Variants in PLSCR2 observed in about 807,000 individuals in gnomAD.
PLSCR2 encodes the protein PL scramblase 2.
A neutral mutation model predicts 25.3 loss-of-function variants in PLSCR2; 18 were observed. The ratio of observed to expected loss-of-function variants is 0.71; its 90% CI spans 0.49 to 1.06. PLSCR2 has a LOEUF of 1.06. Among genes scored for constraint, PLSCR2 ranks in the 50% least tolerant of loss-of-function variants. PLSCR2 has a pLI of 0.00. For synonymous variants in PLSCR2, 88 were observed against 87.3 expected, an observed-to-expected ratio of 1.01 and a Z score of -0.04; for missense variants, 243 against 269.5, an observed-to-expected ratio of 0.90 and a Z score of 0.69.
rs6440435 is a variant in PLSCR2, at chr3:146,414,670, A to C, written c.101-18749T>G. Among the ~76,000 whole-genome samples the C allele has an allele frequency of 5.1e-4, 77 of 151,884 alleles. 1 individual carries two copies. The South Asian group carries it at 0.016, about 32-fold the overall frequency. On this transcript the variant is annotated intron_variant and NMD_transcript_variant, in intron 2 of 3. Coordinates refer to the PLSCR2 transcript ENST00000463633. The stretch of plus-strand genomic sequence containing the variant: ...CCACATAAAAGAAATACTCATACTA[A>C]GTCGAGATAAAGGTAAACAGTTAAA...
intron 2 of PLSCR2, among the ~76,000 whole-genome samples, chr3:146,407,151 G>A (rs772741410): frequency 2.0e-5 from 3 of 151,994 alleles, no homozygotes; most frequent in South Asian, 4.2e-4. Flanking sequence ...TTTAGGGTGC[G>A]GTTTATGCGT....
At chr3:146,428,978 C>G (rs1000655768), downstream of PLSCR2, among the ~76,000 whole-genome samples, 1 of 152,218 alleles carries the variant, frequency 6.6e-6, no homozygotes, top group Non-Finnish European at 1.5e-5. Context: ...GTTTGTTCTA[C>G]TGCAGGAACC....
chr3:146,485,434 T>G (rs1329331549), intron 1 of PLSCR2, among the ~76,000 whole-genome samples: 2 of 152,046 alleles, frequency 1.3e-5, no homozygotes, highest in African/African-American at 4.8e-5. Flanking sequence ...TGAACTCAGC[T>G]CTGGATCAAG....
At chr3:146,414,773 T>A (rs2108054017) in intron 2 of PLSCR2, among the ~76,000 whole-genome samples, 1 of 152,338 alleles carries the variant, frequency 6.6e-6, no homozygotes, top group Middle Eastern at 3.4e-3. Flanking sequence ...TCTGCTTCTA[T>A]TAACAAAATT....
intron 2 of PLSCR2, among the ~76,000 whole-genome samples, chr3:146,426,218 C>T (rs961745695): frequency 4.2e-5 from 6 of 143,658 alleles, no homozygotes; most frequent in Non-Finnish European, 7.6e-5. Flanking sequence ...TCCCTCCCTC[C>T]TTCCCTCCCT....
downstream of PLSCR2, among the ~76,000 whole-genome samples, chr3:146,437,199 T>C (rs1446157084): frequency 6.6e-6 from 1 of 152,164 alleles, no homozygotes; most frequent in Non-Finnish European, 1.5e-5. Flanking sequence ...TGAGGATTTT[T>C]GCACTGATGT....
At chr3:146,488,382 T>C (rs564838522) in intron 1 of PLSCR2, among the ~76,000 whole-genome samples, 11 of 151,722 alleles carry the variant, frequency 7.3e-5, no homozygotes, top group Non-Finnish European at 1.5e-4. Flanking sequence ...AGCATCAGAG[T>C]GAACAGATAA....
intron 1 of PLSCR2, 35 bp from the exon 2 acceptor site, chr3:146,460,118 C>T: frequency 1.4e-6 from 2 of 1,439,942 alleles, no homozygotes; most frequent in South Asian, 1.4e-5. Flanking sequence ...TTTGTAGCTG[C>T]CCAGAAAAGT....
intron 6 of PLSCR2, among the ~76,000 whole-genome samples, chr3:146,447,467 C>T (rs1265398404): frequency 6.6e-6 from 1 of 152,152 alleles, no homozygotes; most frequent in East Asian, 1.9e-4. Context: ...TCCCTTCTGG[C>T]CAGCAGTGTC....
At chr3:146,450,176 T>C (rs2040814838) in intron 5 of PLSCR2, among the ~76,000 whole-genome samples, 1 of 151,324 alleles carries the variant, frequency 6.6e-6, no homozygotes, top group African/African-American at 2.5e-5. Context: ...CCAAACTACA[T>C]GTTAAGAGTT....
At chr3:146,450,137 A>C (rs916436826) in intron 5 of PLSCR2, among the ~76,000 whole-genome samples, 3 of 152,250 alleles carry the variant, frequency 2.0e-5, no homozygotes, top group African/African-American at 7.2e-5. Context: ...CCAGATGGGC[A>C]GGTAGTGGCG....
chr3:146,410,016 A>G (rs987932583), intron 2 of PLSCR2, among the ~76,000 whole-genome samples: 14 of 151,734 alleles, frequency 9.2e-5, no homozygotes, highest in East Asian at 1.9e-4. Context: ...TTCCCTTCTC[A>G]TTTTCCTTCT....
At chr3:146,423,248 T>TCC (rs2039215239) in intron 2 of PLSCR2, among the ~76,000 whole-genome samples, 1 of 123,412 alleles carries the variant, frequency 8.1e-6, no homozygotes, top group Non-Finnish European at 1.8e-5. Flanking sequence ...TCTCTCTCTC[T>TCC]CTCTCTCTCT....
chr3:146,398,861 ATGTTAGACTTGTAAG>A (rs1399864616), intron 2 of PLSCR2: 1 of 152,280 alleles, frequency 6.6e-6, no homozygotes, highest in Non-Finnish European at 1.5e-5. Flanking sequence ...CCAACTGGAT[ATGTTAGACTTGTAAG>A]TAACACTTTA....
intron 1 of PLSCR2, among the ~76,000 whole-genome samples, chr3:146,468,377 C>A (rs1296411281): frequency 6.6e-6 from 1 of 152,226 alleles, no homozygotes; most frequent in Non-Finnish European, 1.5e-5. Flanking sequence ...CTGGTACTAA[C>A]CATGTATCTC....
downstream of PLSCR2, among the ~76,000 whole-genome samples, chr3:146,429,636 T>TA (rs202128747): frequency 0.013 from 1,918 of 152,116 alleles, 35 homozygotes; most frequent in African/African-American, 0.044. Flanking sequence ...TTTATTTATT[T>TA]TTTTTTTGAG....
chr3:146,467,405 G>T (rs2041920392), intron 1 of PLSCR2, among the ~76,000 whole-genome samples: 1 of 151,922 alleles, frequency 6.6e-6, no homozygotes. Flanking sequence ...TAATCTAGTT[G>T]AATAATATAT....
At chr3:146,465,731 CATTATGCT>C (rs528263858) in intron 1 of PLSCR2, among the ~76,000 whole-genome samples, 4 of 152,212 alleles carry the variant, frequency 2.6e-5, no homozygotes, top group African/African-American at 9.6e-5. Flanking sequence ...AAGAATGAGA[CATTATGCT>C]ATGCCAGAGG....
chr3:146,402,469 G>T (rs1559969235), intron 2 of PLSCR2, among the ~76,000 whole-genome samples: 3 of 148,990 alleles, frequency 2.0e-5, no homozygotes. Flanking sequence ...ACATTCTGGT[G>T]TTTTTTTTTT....
Sources: gnomAD v4.1 joint callset for allele counts (sites outside exome capture counted in the v4.1 genomes callset) on GRCh38, gnomAD v4.1.1 for gene constraint, MANE v1.5 for transcripts, NCBI Gene and HGNC (gene_info 2026-07-23, HGNC 2026-07-21) for gene names.